Variants in HMCN2 observed in about 807,000 individuals in gnomAD.
HMCN2 encodes the protein hemicentin-2.
In HMCN2, 325 loss-of-function variants were observed where a neutral mutation model predicts 377.5. The observed-to-expected ratio is 0.86, with a 90% CI of 0.79 to 0.94. HMCN2 has a LOEUF of 0.94. Among genes scored for constraint, HMCN2 ranks in the 40% least tolerant of loss-of-function variants. The probability of loss-of-function intolerance (pLI) is 0.00; values close to 1 mark genes in which losing one functional copy is unlikely to be tolerated. For synonymous variants in HMCN2, 2,007 were observed against 2,046.8 expected, an observed-to-expected ratio of 0.98 and a Z score of 0.53; for missense variants, 4,543 against 4,725.3, an observed-to-expected ratio of 0.96 and a Z score of 1.13.
rs1211648827 is a variant in HMCN2, at chr9:130,424,922, G to A, written c.13519+9G>A. 2.1e-6 allele frequency: 3 copies of A among 1,462,768 alleles called. No individual in the cohort carries two copies. The highest frequency in any genetic ancestry group is 5.1e-5 in the East Asian group (2 of 39,476). The allele number at this position is 1,462,768 out of a possible 1,614,324, so 90.6% of individuals were successfully genotyped here. A position where few individuals can be genotyped will look rare whatever the true frequency, so the allele number is the denominator to read the frequency against. ...CGTGGAGTTTGCTACAGGTAAACAGGGCCTCCCCCAGGTGGGCCAGGTAGG... is the reference window on the plus strand; with the variant it reads ...CGTGGAGTTTGCTACAGGTAAACAGAGCCTCCCCCAGGTGGGCCAGGTAGG... On this transcript the variant is annotated intron_variant, in intron 88 of 97. Transcript: ENST00000683500.
intron 8 of HMCN2, among the ~76,000 whole-genome samples, chr9:130,302,162 C>G (rs1490994328): frequency 6.6e-6 from 1 of 152,090 alleles, no homozygotes; most frequent in Non-Finnish European, 1.5e-5. Context: ...ATTCTCCTGC[C>G]TCAGCCTCCT....
At chr9:130,378,124 C>A (rs912144042) in intron 53 of HMCN2, among the ~76,000 whole-genome samples, 12 of 152,056 alleles carry the variant, frequency 7.9e-5, no homozygotes, top group Non-Finnish European at 1.8e-4. Context: ...GGATTTGCTT[C>A]AGAATCTCTG....
chr9:130,334,786 CCTCT>C (rs1406892236), intron 22 of HMCN2, among the ~76,000 whole-genome samples: 1,442 of 130,800 alleles, frequency 0.011, 35 homozygotes, highest in African/African-American at 0.039. Context: ...TCTCCCTCTT[CCTCT>C]CTCTCTCTCT....
chr9:130,311,212 G>A (rs1274308076), intron 15 of HMCN2, among the ~76,000 whole-genome samples: 2 of 152,240 alleles, frequency 1.3e-5, no homozygotes, highest in African/African-American at 4.8e-5. Flanking sequence ...GCAGAGAATC[G>A]AGAATGTGCT....
At chr9:130,282,714 G>A (rs1557125) in intron 1 of HMCN2, among the ~76,000 whole-genome samples, 104,730 of 152,198 alleles carry the variant, frequency 0.69, 36,338 homozygotes, top group African/African-American at 0.77. Context: ...TGGTTGCTGA[G>A]AATGAAAGTT....
rs55770008 is a variant in HMCN2 at position 130,372,999 on chromosome 9, C to CCG, written c.7352-39_7352-38insCG. The stretch of plus-strand genomic sequence containing the variant: ...GCCTGGGCGGGCCAGCCCCCCCCCC[C>CCG]ACCCCATCACTAGCCATTTGTCTCC... On this transcript the variant is annotated intron_variant, in intron 47 of 97. Transcript: ENST00000683500. 1.3e-5 allele frequency: 2 copies of CCG among 148,924 alleles called. 1 individual carries two copies. Among genetic ancestry groups the CCG allele is most frequent in the East Asian group, 4.0e-4 (2 of 4,972 alleles). The allele number at this position is 148,924 out of a possible 1,614,324, so 9.2% of individuals were successfully genotyped here. A position where few individuals can be genotyped will look rare whatever the true frequency, so the allele number is the denominator to read the frequency against.
At position 130,339,804 on chromosome 9, in the gene HMCN2, G is replaced by A. The variant is rs934259734; in HGVS notation, c.3488-1307G>A. ...GGGTTGGTCTCCACCCAAGGGCCAGGATCCCATGGGTGGTTTTATATCCAG... is the reference window on the plus strand; with the variant it reads ...GGGTTGGTCTCCACCCAAGGGCCAGAATCCCATGGGTGGTTTTATATCCAG... On this transcript the variant is annotated intron_variant, in intron 23 of 97. Transcript: ENST00000683500. 2.0e-5 allele frequency among the ~76,000 whole-genome samples: 3 copies of A among 152,230 alleles called. No homozygotes were observed. In the East Asian group the frequency reaches 5.8e-4, roughly 29 times the overall value.
chr9:130,301,480 G>A (rs1270139819), intron 8 of HMCN2, among the ~76,000 whole-genome samples: 1 of 152,230 alleles, frequency 6.6e-6, no homozygotes, highest in African/African-American at 2.4e-5. Flanking sequence ...CCTTGTAGCA[G>A]GTGGCTCTGG....
rs763761519 is a variant in HMCN2 at position 130,398,564 on chromosome 9, C to T, written c.11340C>T (p.Ile3780=). ...RDLRVLEPPA[I]APSPSNLTLT... is the part of the protein sequence containing the mutation. ...TGCTCTCCCCAGAGCCTCCAGCCATCGCCCCCAGCCCCTCCAACCTGACCC... is the reference window on the plus strand; with the variant it reads ...TGCTCTCCCCAGAGCCTCCAGCCATTGCCCCCAGCCCCTCCAACCTGACCC... The change falls in exon 75 of 98, where the codon ATC becomes ATT. Residue 3780 remains isoleucine, a synonymous_variant. Transcript: ENST00000683500. The T allele has an allele frequency of 1.8e-5, 22 of 1,247,160 alleles. 1 individual carries two copies. Among genetic ancestry groups the T allele is most frequent in the South Asian group, 1.6e-4 (12 of 76,016 alleles). 77.3% of individuals were successfully genotyped at this position (1,247,160 alleles called of 1,614,324 possible).
intron 1 of HMCN2, among the ~76,000 whole-genome samples, chr9:130,281,751 G>A (rs1312632017): frequency 2.6e-5 from 4 of 151,992 alleles, no homozygotes; most frequent in African/African-American, 4.8e-5. Context: ...AAAATTAGCC[G>A]GGTGTGGTGG....
rs1839994952 is a variant in HMCN2, at chr9:130,355,834, C to A, written c.5235C>A (p.Gly1745=). 1 of 1,303,080 alleles carries A rather than the reference C, an allele frequency of 7.7e-7. No individual in the cohort carries two copies. The allele number at this position is 1,303,080 out of a possible 1,614,324, so 80.7% of individuals were successfully genotyped here. ...QPLELPCQAS[G]SPVPTIQWLQ... is the part of the protein sequence containing the mutation. ...TGGAACTTCCCTGCCAGGCCTCAGG[C>A]TCCCCAGTACCCACTATCCAGTGAG... The change falls in exon 33 of 98, where the codon GGC becomes GGA. Residue 1745 remains glycine, a synonymous_variant. Transcript: ENST00000683500.
At chr9:130,432,615 G>A in intron 97 of HMCN2, 60 bp downstream of exon 97, 6 of 1,516,780 alleles carry the variant, frequency 4.0e-6, no homozygotes, top group South Asian at 1.2e-5. Flanking sequence ...TCAGTCACTG[G>A]GGGTGCAGGC....
At position 130,398,707 on chromosome 9, in the gene HMCN2, G is replaced by T. The variant is rs779096772; in HGVS notation, c.11483G>T (p.Arg3828Leu). The change falls in exon 75 of 98, where the codon CGG (arginine) becomes CTG (leucine). Residue 3828 changes from arginine to leucine, a missense_variant and splice_region_variant. Coordinates refer to ENST00000683500, the MANE Select transcript of HMCN2 (RefSeq NM_001291815.2). ...LDFRLQQGAY[R>L]LLPSNALLLT... ...TTCCGCCTGCAGCAGGGCGCCTACCGGTAACGAGCTGGACTTTGCGGTGGC... is the reference window on the plus strand; with the variant it reads ...TTCCGCCTGCAGCAGGGCGCCTACCTGTAACGAGCTGGACTTTGCGGTGGC... The T allele has an allele frequency of 7.8e-7, 1 of 1,289,122 alleles. No homozygotes were observed. Among genetic ancestry groups the T allele is most frequent in the East Asian group, 5.6e-5 (1 of 18,008 alleles). The allele number at this position is 1,289,122 out of a possible 1,614,324, so 79.9% of individuals were successfully genotyped here.
intron 4 of HMCN2, 109 bp from the exon 5 acceptor site, chr9:130,294,746 G>GT: frequency 2.9e-6 from 1 of 344,298 alleles, no homozygotes; most frequent in Non-Finnish European, 5.9e-6. Context: ...ACATGGAGGA[G>GT]TGGGGTGGCC....
chr9:130,312,539 CCTTT>C (rs1187968109), intron 15 of HMCN2, among the ~76,000 whole-genome samples: 154 of 6,610 alleles, frequency 0.023, 4 homozygotes, highest in Non-Finnish European at 0.029. Context: ...CTCCCTCCCT[CCTTT>C]CTTTCTTTCT....
chr9:130,341,802 A>G (rs1050558350), intron 24 of HMCN2, among the ~76,000 whole-genome samples: 1 of 152,126 alleles, frequency 6.6e-6, no homozygotes, highest in African/African-American at 2.4e-5. Context: ...TGGGGGGTCC[A>G]TGTGAGAGAG....
At chr9:130,363,962 GAAGGAAGGAAGGAAAGAAAGAAAGAGA>G (rs1470747321) in intron 40 of HMCN2, among the ~76,000 whole-genome samples, 3 of 150,346 alleles carry the variant, frequency 2.0e-5, no homozygotes, top group Non-Finnish European at 3.0e-5. Context: ...GAAAAAAAGA[GAAGGAAGGAAGGAAAGAAAGAAAGAGA>G]AAGGAAGGAA....
chr9:130,309,970 G>C lies in HMCN2; in HGVS notation c.2259G>C (p.Pro753=), dbSNP rs200704149. The C allele has an allele frequency of 1.9e-6, 1 of 530,846 alleles. No individual in the cohort carries two copies. The allele number at this position is 530,846 out of a possible 1,614,324, so 32.9% of individuals were successfully genotyped here. A position where few individuals can be genotyped will look rare whatever the true frequency, so the allele number is the denominator to read the frequency against. ...CCAGCTCTGGGAAGCTGCGGATCCCGGCGGCTCAGGAGAGGGATGCTGGCA... is the reference window on the plus strand; with the variant it reads ...CCAGCTCTGGGAAGCTGCGGATCCCCGCGGCTCAGGAGAGGGATGCTGGCA... ...EGSSSGKLRI[P]AAQERDAGTY... is the part of the protein sequence containing the mutation. The change falls in exon 15 of 98, where the codon CCG becomes CCC. Residue 753 remains proline, a synonymous_variant. Coordinates refer to ENST00000683500, the MANE Select transcript of HMCN2 (RefSeq NM_001291815.2).
Position 130,392,100 on chromosome 9 carries a change from G to A in HMCN2, c.10118G>A (p.Gly3373Asp). ...LPLSQRTLLH[G>D]SGHTLRISKV... The stretch of plus-strand genomic sequence containing the variant: ...CTCTCCCAGCGCACCCTCCTCCACG[G>A]CTCTGGCCACACCCTCAGGTAGGGG... The change falls in exon 66 of 98, where the codon GGC becomes GAC. Residue 3373 changes from glycine (G) to aspartate (D), a missense_variant. Around this residue, in one of 5 missense-constraint regions of HMCN2, gnomAD observed 1,073 missense variants for 1,319.5 expected, o/e 0.81. Coordinates refer to ENST00000683500, the MANE Select transcript of HMCN2 (RefSeq NM_001291815.2). 1.0e-6 allele frequency: 1 copy of A among 988,368 alleles called. No homozygotes were observed. The highest frequency in any genetic ancestry group is 1.2e-6 in the Non-Finnish European group (1 of 830,356). 61.2% of individuals were successfully genotyped at this position (988,368 alleles called of 1,614,324 possible).
Sources: allele counts gnomAD v4.1 joint callset (sites outside exome capture counted in the v4.1 genomes callset), GRCh38; gene constraint gnomAD v4.1.1; regional missense constraint gnomAD v4.1.1; transcripts MANE v1.5; gene names NCBI Gene and HGNC (gene_info 2026-07-23, HGNC 2026-07-21).